Variants in TRAF7 observed in about 807,000 individuals in gnomAD.
The protein encoded by TRAF7 is TNF receptor associated factor 7.
In TRAF7, 45 loss-of-function variants were observed where a neutral mutation model predicts 89.3. The observed-to-expected ratio is 0.50, with a 90% CI of 0.40 to 0.65. TRAF7 has a LOEUF of 0.65. TRAF7 is among the 30% of genes least tolerant of loss of function. The probability of loss-of-function intolerance (pLI) is 0.00; values close to 1 mark genes in which losing one functional copy is unlikely to be tolerated. For synonymous variants in TRAF7, 406 were observed against 369.2 expected (o/e 1.10, Z -1.14); for missense variants, 677 against 918.1 (o/e 0.74, Z 3.39).
chr16:2,172,626 C>G, intron 9 of TRAF7, 27 bp downstream of exon 9: 24 of 1,260,272 alleles, frequency 1.9e-5, no homozygotes, highest in Admixed American at 4.1e-5. Flanking sequence ...CGGGGGTGGG[C>G]CGGGGTGGGC....
intron 4 of TRAF7, among the ~76,000 whole-genome samples, chr16:2,169,166 G>A (rs2093098527): frequency 1.3e-5 from 2 of 152,074 alleles, no homozygotes; most frequent in Non-Finnish European, 2.9e-5. Flanking sequence ...TGAATTAGTA[G>A]AGATGGGGTT....
In TRAF7 at chr16:2,163,877, C is replaced by A; in HGVS notation, c.-38-6C>A. 1 of 1,560,406 alleles carries A rather than the reference C, an allele frequency of 6.4e-7. No individual in the cohort carries two copies. The highest frequency in any genetic ancestry group is 8.8e-7 in the Non-Finnish European group (1 of 1,137,520). ...CTCAAGCCCCTCATTTGTGCTCCAC[C>A]CACAGGAGGTGCTTCCCAAGGACCG... On this transcript the variant is annotated splice_polypyrimidine_tract_variant and splice_region_variant and intron_variant, in intron 1 of 20. Transcript: ENST00000326181. This position sits in a 1 kb window ranked among gnomAD's most constrained non-coding sequence, Gnocchi z 4.3.
rs527842006 is a variant in TRAF7, at chr16:2,161,168, C to CCCCTCCTTCCCT, written c.-38-2704_-38-2693dup. 3.4e-4 allele frequency among the ~76,000 whole-genome samples: 51 copies of CCCCTCCTTCCCT among 149,644 alleles called. 1 individual carries two copies. The East Asian group carries it at 9.4e-3, about 28-fold the overall frequency. Reference sequence around the variant, plus strand: ...GAAGCAGCCTCCTGTGCAGAGTATCCCCCTCCTTCCCTCCCTCCTTCCGTC... The same window carrying CCCCTCCTTCCCT: ...GAAGCAGCCTCCTGTGCAGAGTATCCCCCTCCTTCCCTCCCTCCTTCCCTCCCTCCTTCCGTC... On this transcript the variant is annotated intron_variant, in intron 1 of 20. Transcript: ENST00000326181. This position sits in a 1 kb window ranked among gnomAD's most constrained non-coding sequence, Gnocchi z 5.2.
chr16:2,164,403 G>A (rs1281077964), intron 2 of TRAF7, among the ~76,000 whole-genome samples: 19 of 146,600 alleles, frequency 1.3e-4, no homozygotes, highest in Admixed American at 8.8e-4. Flanking sequence ...TGGTCGCATG[G>A]TTAAGCGTGT....
intron 14 of TRAF7, 44 bp from the exon 15 acceptor site, chr16:2,175,067 G>A (rs1301114324): frequency 2.5e-6 from 4 of 1,613,336 alleles, no homozygotes; most frequent in African/African-American, 2.7e-5. Flanking sequence ...TGTCAGCATG[G>A]ACACAGCTTC....
intron 14 of TRAF7, among the ~76,000 whole-genome samples, chr16:2,174,611 G>T (rs2093127697): frequency 6.6e-6 from 1 of 152,256 alleles, no homozygotes; most frequent in East Asian, 1.9e-4. Context: ...GCAACCAGAA[G>T]ATAGGGGGGA....
rs1197938511 is a variant in TRAF7 at position 2,163,279 on chromosome 16, C to A, written c.-38-604C>A. On this transcript the variant is annotated intron_variant, in intron 1 of 20. Transcript: ENST00000326181. The surrounding 1 kb of genome is among the most constrained non-coding windows in gnomAD (Gnocchi z 4.3). Reference sequence around the variant, plus strand: ...ACGGGTTCCAGGGGCGGGCTCATCTCTCTCCTGTGCTTTTTTCCGTGCAGT... The same window carrying A: ...ACGGGTTCCAGGGGCGGGCTCATCTATCTCCTGTGCTTTTTTCCGTGCAGT... Among the ~76,000 whole-genome samples, 1 of 152,172 alleles carries A rather than the reference C, an allele frequency of 6.6e-6. No individual in the cohort carries two copies. The highest frequency in any genetic ancestry group is 1.5e-5 in the Non-Finnish European group (1 of 68,008).
In TRAF7 at chr16:2,168,054, A is replaced by G. The variant is rs2093093625; in HGVS notation, c.140-23A>G. 7.5e-6 allele frequency: 12 copies of G among 1,607,204 alleles called. No individual in the cohort carries two copies. The highest frequency in any genetic ancestry group is 1.0e-5 in the Non-Finnish European group (12 of 1,178,590). ...ATCTGCTGAGGGAGCCCCCACTGAGACGCCAGCCCTCTTGCCTTGCAGCTG... is the reference window on the plus strand; with the variant it reads ...ATCTGCTGAGGGAGCCCCCACTGAGGCGCCAGCCCTCTTGCCTTGCAGCTG... On this transcript the variant is annotated intron_variant, in intron 3 of 20. Coordinates refer to ENST00000326181, the MANE Select transcript of TRAF7 (RefSeq NM_032271.3). The surrounding 1 kb of genome is among the most constrained non-coding windows in gnomAD (Gnocchi z 4.1).
At chr16:2,156,752 A>G (rs1243513636) in intron 1 of TRAF7, among the ~76,000 whole-genome samples, 3 of 151,784 alleles carry the variant, frequency 2.0e-5, no homozygotes, top group African/African-American at 7.3e-5. Context: ...GGGGGTTATT[A>G]TGCTGGCAAA....
rs2093138780 is a variant in TRAF7 at position 2,176,787 on chromosome 16, G to A, written c.*213G>A. 7.1e-6 allele frequency: 5 copies of A among 701,496 alleles called. No homozygotes were observed. The Admixed American group carries it at 9.4e-5, about 13-fold the overall frequency. 43.5% of individuals were successfully genotyped at this position (701,496 alleles called of 1,614,324 possible). ...CTGCCCAGCCCCTCTCTGGGTGCCA[G>A]GTACGACGCTTGCCCCGGCCCACCC... On this transcript the variant is annotated 3_prime_UTR_variant, in exon 21 of 21. Transcript: ENST00000326181.
chr16:2,157,066 C>G (rs1342441264), intron 1 of TRAF7, among the ~76,000 whole-genome samples: 3 of 151,940 alleles, frequency 2.0e-5, no homozygotes, highest in Non-Finnish European at 4.4e-5. Flanking sequence ...CCCAGCCTGT[C>G]TGCCCACCTT....
chr16:2,168,128 G>C lies in TRAF7; in HGVS notation c.191G>C (p.Ser64Thr). 1 of 1,612,244 alleles carries C rather than the reference G, an allele frequency of 6.2e-7. No homozygotes were observed. The highest frequency in any genetic ancestry group is 1.1e-5 in the South Asian group (1 of 91,044). The change falls in exon 4 of 21, where the codon AGC becomes ACC. Residue 64 changes from serine (S) to threonine (T), a missense_variant. By Grantham distance (58) the Ser-to-Thr change is moderately conservative (BLOSUM62 1). Coordinates refer to ENST00000326181, the MANE Select transcript of TRAF7 (RefSeq NM_032271.3). This position sits in a 1 kb window ranked among gnomAD's most constrained non-coding sequence, Gnocchi z 4.1. ...KQHCRTPSSS[S>T]TLAYSPRDEE... is the part of the protein sequence containing the mutation. ...CACTGCAGGACACCCTCCTCCTCCA[G>C]CACCCTTGCCTACTCCCCGCGGGAC...
rs1464575192 is a variant in TRAF7 at position 2,168,267 on chromosome 16, G to A, written c.231+99G>A. ...CAGGAGGAGTTGACAGTGAGCTGGTGAGGCACAGGAGAAGAAGAGCACCTG... is the reference window on the plus strand; with the variant it reads ...CAGGAGGAGTTGACAGTGAGCTGGTAAGGCACAGGAGAAGAAGAGCACCTG... On this transcript the variant is annotated intron_variant, in intron 4 of 20. Transcript: ENST00000326181. The surrounding 1 kb of genome is among the most constrained non-coding windows in gnomAD (Gnocchi z 4.1). The A allele has an allele frequency of 6.0e-6, 6 of 995,226 alleles. No individual in the cohort carries two copies. The African/African-American group carries it at 9.7e-5, about 16-fold the overall frequency. The allele number at this position is 995,226 out of a possible 1,614,324, so 61.6% of individuals were successfully genotyped here.
chr16:2,156,002 C>CGGTCGGGGTCGGGGTCAG (rs1567243391), intron 1 of TRAF7, 144 bp downstream of exon 1: 5 of 125,034 alleles, frequency 4.0e-5, no homozygotes, highest in East Asian at 2.5e-4. Flanking sequence ...GGGGCTGAGA[C>CGGTCGGGGTCGGGGTCAG]GGTCGGGGTC....
chr16:2,166,071 CG>C, intron 3 of TRAF7, 135 bp downstream of exon 3: 1 of 1,084,398 alleles, frequency 9.2e-7, no homozygotes, highest in Non-Finnish European at 1.3e-6. Flanking sequence ...AGCCTCACAC[CG>C]CAGCCTGTGT....
At chr16:2,167,458 G>T (rs1225561615) in intron 3 of TRAF7, among the ~76,000 whole-genome samples, 2 of 152,052 alleles carry the variant, frequency 1.3e-5, no homozygotes, top group Non-Finnish European at 2.9e-5. Flanking sequence ...TGGCCAAGCT[G>T]GGGTGACGTG....
chr16:2,160,433 C>T (rs1446324357), intron 1 of TRAF7, among the ~76,000 whole-genome samples: 1 of 143,860 alleles, frequency 7.0e-6, no homozygotes, highest in Non-Finnish European at 1.5e-5. Context: ...GTGGTGTGGA[C>T]GGGCAGGTGG....
chr16:2,160,698 T>A (rs1173565717), intron 1 of TRAF7, among the ~76,000 whole-genome samples: 1 of 152,042 alleles, frequency 6.6e-6, no homozygotes, highest in Non-Finnish European at 1.5e-5. Flanking sequence ...TCTCTCATTC[T>A]ATGGAACACA....
intron 4 of TRAF7, among the ~76,000 whole-genome samples, chr16:2,170,189 C>T (rs1030401255): frequency 6.6e-6 from 1 of 152,240 alleles, no homozygotes; most frequent in African/African-American, 2.4e-5. Flanking sequence ...GCACCTGGAG[C>T]CCAGCCGTCG....
Sources: allele counts gnomAD v4.1 joint callset (sites outside exome capture counted in the v4.1 genomes callset), GRCh38; gene constraint gnomAD v4.1.1; non-coding constraint Gnocchi (gnomAD v3.1); transcripts MANE v1.5; gene names NCBI Gene and HGNC (gene_info 2026-07-23, HGNC 2026-07-21).